The following GABRA3 variants were observed in gnomAD, a reference collection of about 807,000 sequenced individuals.
The protein encoded by GABRA3 is gamma-aminobutyric acid type A receptor subunit alpha3.
GABRA3 carries 10 observed loss-of-function variants against 30.1 expected under a neutral mutation model. The observed-to-expected ratio is 0.33, with a 90% CI of 0.20 to 0.56. The LOEUF (loss-of-function observed/expected upper bound fraction) is 0.56, where lower values mean the gene tolerates loss of function less well. Among genes scored for constraint, GABRA3 ranks in the 20% least tolerant of loss-of-function variants. The pLI, the probability that GABRA3 is intolerant of heterozygous loss-of-function variation, is 0.89. For missense variants in GABRA3, 233 were observed against 392.0 expected (o/e 0.59, Z 3.42); for synonymous variants, 151 against 146.8 (o/e 1.03, Z -0.21).
chrX:152,326,248 G>C (rs1940055816), intron 3 of GABRA3, among the ~76,000 whole-genome samples: 1 of 111,719 alleles, frequency 9.0e-6, no homozygotes. Context: ...TGAAAGTGAT[G>C]GGGAGAATGG....
rs1248196762 is a variant in GABRA3 at position 152,166,525 on chromosome X, C to A, written c.*1703G>T. On this transcript the variant is annotated 3_prime_UTR_variant, in exon 10 of 10. Transcript: ENST00000370314. ...AAAGGATGGATGAAAAGGCAACCAG[C>A]AGCTAATGATACACCCCTTAGGAGC... The A allele has an allele frequency of 9.0e-6, 1 of 110,837 alleles. No individual in the cohort carries two copies. Among genetic ancestry groups the A allele is most frequent in the Non-Finnish European group, 1.9e-5 (1 of 53,022 alleles). 9.1% of individuals were successfully genotyped at this position (110,837 alleles called of 1,213,427 possible). A position where few individuals can be genotyped will look rare whatever the true frequency, so the allele number is the denominator to read the frequency against.
chrX:152,450,535 C>CA (rs1931195623), intron 1 of GABRA3, among the ~76,000 whole-genome samples: 1 of 109,261 alleles, frequency 9.2e-6, no homozygotes, highest in South Asian at 4.0e-4. Context: ...GTGAGCCCCT[C>CA]AAAGGAAGGG....
intron 3 of GABRA3, among the ~76,000 whole-genome samples, chrX:152,322,844 CTTTTTTTTTTTTTTTTT>C (rs1172827692): frequency 1.6e-5 from 1 of 61,260 alleles, no homozygotes; most frequent in Non-Finnish European, 2.9e-5. Context: ...AAAGTCTACT[CTTTTTTTTTTTTTTTTT>C]TTTTTTTTTT....
intron 2 of GABRA3, among the ~76,000 whole-genome samples, chrX:152,346,641 T>C (rs748732156): frequency 5.2e-4 from 58 of 112,070 alleles, no homozygotes; most frequent in African/African-American, 1.9e-3. Flanking sequence ...AACAACTCTG[T>C]AGGAAAAAGT....
intron 9 of GABRA3, among the ~76,000 whole-genome samples, chrX:152,185,210 G>A (rs192196124): frequency 3.8e-4 from 42 of 110,428 alleles, no homozygotes; most frequent in African/African-American, 1.1e-3. Context: ...GTATTGTAGC[G>A]GTGCAGACAA....
At chrX:152,229,363 G>A (rs1292373236) in intron 5 of GABRA3, among the ~76,000 whole-genome samples, 2 of 110,886 alleles carry the variant, frequency 1.8e-5, no homozygotes, top group Non-Finnish European at 3.8e-5. Flanking sequence ...AAAATCTGAC[G>A]ACCTTTTTGG....
intron 4 of GABRA3, among the ~76,000 whole-genome samples, chrX:152,282,512 AAAT>A (rs1939216455): frequency 8.9e-6 from 1 of 112,316 alleles, no homozygotes; most frequent in Non-Finnish European, 1.9e-5. Context: ...ATGCGGCTAA[AAAT>A]AATGTGAAAT....
intron 9 of GABRA3, among the ~76,000 whole-genome samples, chrX:152,176,870 A>G (rs192682498): frequency 2.0e-4 from 22 of 111,643 alleles, no homozygotes; most frequent in African/African-American, 7.2e-4. Context: ...GTACAGATTC[A>G]GAAAATAAAA....
chrX:152,205,379 G>A (rs1404067336), intron 7 of GABRA3, among the ~76,000 whole-genome samples: 1 of 111,207 alleles, frequency 9.0e-6, no homozygotes, highest in African/African-American at 3.3e-5. Flanking sequence ...TATCTTAGGC[G>A]GATACTTAAA....
intron 4 of GABRA3, among the ~76,000 whole-genome samples, chrX:152,272,685 C>T (rs1031807318): frequency 1.6e-4 from 18 of 111,488 alleles, no homozygotes; most frequent in Admixed American, 2.9e-4. Context: ...TGTCTCCATC[C>T]GAATCTCATT....
At chrX:152,259,833 C>T (rs756164102) in intron 4 of GABRA3, among the ~76,000 whole-genome samples, 10 of 110,347 alleles carry the variant, frequency 9.1e-5, no homozygotes, top group South Asian at 7.8e-4. Context: ...TGGTACTAGA[C>T]GCTTTCTGCT....
chrX:152,226,441 C>A (rs1287102571), intron 5 of GABRA3, among the ~76,000 whole-genome samples: 1 of 111,486 alleles, frequency 9.0e-6, no homozygotes, highest in African/African-American at 3.2e-5. Flanking sequence ...AGAAGAAAAC[C>A]TAGGTATTAC....
chrX:152,406,759 A>C (rs996570147), intron 1 of GABRA3, among the ~76,000 whole-genome samples: 2 of 110,527 alleles, frequency 1.8e-5, no homozygotes, highest in Non-Finnish European at 3.8e-5. Flanking sequence ...ACTGGACATA[A>C]TAGACATTTG....
intron 9 of GABRA3, among the ~76,000 whole-genome samples, chrX:152,168,789 C>G (rs1196822105): frequency 8.9e-6 from 1 of 112,070 alleles, no homozygotes; most frequent in Non-Finnish European, 1.9e-5. Context: ...AGCTATGTCG[C>G]TTTGGCTAAG....
chrX:152,369,477 T>C (rs910436646), intron 1 of GABRA3, among the ~76,000 whole-genome samples: 2 of 111,737 alleles, frequency 1.8e-5, no homozygotes, highest in Non-Finnish European at 3.8e-5. Context: ...CTTCAGCCAC[T>C]GTGGCCTCCT....
intron 9 of GABRA3, among the ~76,000 whole-genome samples, chrX:152,178,050 A>G (rs1326047123): frequency 9.0e-6 from 1 of 111,345 alleles, no homozygotes. Flanking sequence ...ACAACAAAAT[A>G]GAGAGGAAGT....
intron 4 of GABRA3, among the ~76,000 whole-genome samples, chrX:152,266,475 C>T (rs180792542): frequency 1.8e-5 from 2 of 111,957 alleles, no homozygotes; most frequent in Admixed American, 1.9e-4. Context: ...AAAATGTTGA[C>T]AGAAAAGTAA....
At chrX:152,284,844 A>G (rs1309579536) in intron 3 of GABRA3, 109 bp from the exon 4 acceptor site, 1 of 465,118 alleles carries the variant, frequency 2.1e-6, no homozygotes. Context: ...ACTTCTGAGA[A>G]AGGAAAACCC....
chrX:152,383,561 CAA>C (rs1348361574), intron 1 of GABRA3, among the ~76,000 whole-genome samples: 1 of 108,759 alleles, frequency 9.2e-6, no homozygotes, highest in African/African-American at 3.3e-5. Context: ...TACTAGAATG[CAA>C]AGATGGTTTA....
Sources: allele counts gnomAD v4.1 joint callset (sites outside exome capture counted in the v4.1 genomes callset), GRCh38; gene constraint gnomAD v4.1.1; transcripts MANE v1.5; gene names NCBI Gene and HGNC (gene_info 2026-07-23, HGNC 2026-07-21).